GLIS3: variants seen among roughly 807,000 people sequenced by gnomAD.
GLIS3 encodes GLIS family zinc finger 3.
In GLIS3, 53 loss-of-function variants were observed where a neutral mutation model predicts 78.6. The observed-to-expected ratio is 0.67, with a 90% CI of 0.54 to 0.85. GLIS3 has a LOEUF of 0.85. Among genes scored for constraint, GLIS3 ranks in the 40% least tolerant of loss-of-function variants. The pLI, the probability that GLIS3 is intolerant of heterozygous loss-of-function variation, is 0.00. For synonymous variants in GLIS3, 684 were observed against 509.9 expected (o/e 1.34, Z -4.60); for missense variants, 1,703 against 1,231.1 (o/e 1.38, Z -5.74).
intron 4 of GLIS3, among the ~76,000 whole-genome samples, chr9:3,993,281 G>A (rs562116992): frequency 3.9e-5 from 6 of 152,226 alleles, no homozygotes; most frequent in Non-Finnish European, 7.4e-5. Flanking sequence ...TGACAGTTCC[G>A]AGGGCAGTCA....
rs757442845 is a variant in GLIS3 at position 3,879,497 on chromosome 9, C to T, written c.2227G>A (p.Val743Ile). The change falls in exon 8 of 11, where the codon GTA (valine) becomes ATA (isoleucine). Residue 743 changes from valine to isoleucine, a missense_variant. Coordinates refer to ENST00000381971, the MANE Select transcript of GLIS3 (RefSeq NM_001042413.2). ...GAGGGGTTGTGAGGGCTCCCCTGTA[C>T]ATTATGTCCTGGAGAAGGGTGACTG... ...PVSHPSPGHN[V>I]QGSPHNPSSQ... The T allele has an allele frequency of 1.9e-6, 3 of 1,614,104 alleles. No individual in the cohort carries two copies. The highest frequency in any genetic ancestry group is 1.1e-5 in the South Asian group (1 of 91,066).
chr9:4,333,209 A>G (rs1247011345), intron 2 of GLIS3, among the ~76,000 whole-genome samples: 1 of 118,642 alleles, frequency 8.4e-6, no homozygotes, highest in African/African-American at 2.9e-5. Context: ...CAGTGAGACA[A>G]GAATGAAAAG....
the GLIS3 span, among the ~76,000 whole-genome samples, chr9:4,402,518 T>C: frequency 4.6e-5 from 7 of 152,170 alleles, no homozygotes; most frequent in Non-Finnish European, 1.0e-4. Flanking sequence ...TGGAGATATG[T>C]GACCTAGCAG....
intron 2 of GLIS3, among the ~76,000 whole-genome samples, chr9:4,223,962 T>C (rs1290571446): frequency 2.0e-5 from 3 of 150,792 alleles, no homozygotes; most frequent in Admixed American, 6.6e-5. Context: ...GAAAATGCCA[T>C]CAAATTCAAC....
the GLIS3 span, among the ~76,000 whole-genome samples, chr9:4,445,297 G>A: frequency 6.6e-6 from 1 of 152,110 alleles, no homozygotes; most frequent in East Asian, 1.9e-4. Context: ...ATTATATAAA[G>A]TCATAGAGTG....
chr9:4,195,678 TG>T (rs1404135995), intron 2 of GLIS3, among the ~76,000 whole-genome samples: 1 of 152,278 alleles, frequency 6.6e-6, no homozygotes. Context: ...GGCATGGCAC[TG>T]GCGGGCAGCT....
chr9:3,993,228 T>C (rs372156589), intron 4 of GLIS3, among the ~76,000 whole-genome samples: 56 of 152,190 alleles, frequency 3.7e-4, no homozygotes, highest in African/African-American at 1.3e-3. Context: ...CATTGCCTCA[T>C]ACTGTTTGTC....
chr9:4,255,276 G>A (rs1824815800), intron 2 of GLIS3, among the ~76,000 whole-genome samples: 1 of 152,168 alleles, frequency 6.6e-6, no homozygotes, highest in African/African-American at 2.4e-5. Context: ...ATGCAAAATG[G>A]TACAGCTACT....
intron 4 of GLIS3, among the ~76,000 whole-genome samples, chr9:4,026,774 CAG>C (rs1491202280): frequency 1.3e-5 from 2 of 152,122 alleles, no homozygotes; most frequent in African/African-American, 4.8e-5. Flanking sequence ...TTCAAATTAT[CAG>C]GGGAAAAAGA....
intron 9 of GLIS3, among the ~76,000 whole-genome samples, chr9:3,841,399 C>T (rs577237608): frequency 1.2e-4 from 18 of 152,298 alleles, no homozygotes; most frequent in African/African-American, 4.1e-4. Context: ...CATGTACTAG[C>T]TGTGTGGCTT....
At chr9:4,442,266 C>A in the GLIS3 span, among the ~76,000 whole-genome samples, 1 of 152,100 alleles carries the variant, frequency 6.6e-6, no homozygotes, top group Non-Finnish European at 1.5e-5. Flanking sequence ...CTGTTATGAT[C>A]CTCTGTATTT....
At chr9:4,162,593 C>G (rs918680107) in intron 2 of GLIS3, among the ~76,000 whole-genome samples, 1 of 152,158 alleles carries the variant, frequency 6.6e-6, no homozygotes, top group Non-Finnish European at 1.5e-5. Context: ...GGTGCGGTGG[C>G]TCACGCCTGT....
chr9:4,485,027 G>T, the GLIS3 span, among the ~76,000 whole-genome samples: 3 of 141,306 alleles, frequency 2.1e-5, no homozygotes, highest in Non-Finnish European at 4.6e-5. Flanking sequence ...GGTGGGGGTG[G>T]TGGGGGGACA....
chr9:4,247,067 T>C (rs560961621), intron 2 of GLIS3, among the ~76,000 whole-genome samples: 27 of 152,346 alleles, frequency 1.8e-4, no homozygotes, highest in Middle Eastern at 3.4e-3. Flanking sequence ...TTAAAATCCA[T>C]GGATGGCTTT....
At chr9:4,262,553 A>G (rs887667081) in intron 2 of GLIS3, among the ~76,000 whole-genome samples, 4 of 152,188 alleles carry the variant, frequency 2.6e-5, no homozygotes, top group Non-Finnish European at 5.9e-5. Flanking sequence ...TTAAATAGGT[A>G]GATCCAAACA....
intron 7 of GLIS3, among the ~76,000 whole-genome samples, chr9:3,888,712 T>C (rs1822237142): frequency 1.3e-5 from 2 of 152,168 alleles, no homozygotes. Context: ...ACCACAATCT[T>C]CCATTTGGCC....
the GLIS3 span, among the ~76,000 whole-genome samples, chr9:4,383,402 T>A: frequency 1.3e-5 from 2 of 152,232 alleles, no homozygotes; most frequent in Non-Finnish European, 2.9e-5. Context: ...AAATTATTCT[T>A]GATTCATGGA....
chr9:4,467,929 T>G, the GLIS3 span, among the ~76,000 whole-genome samples: 1 of 152,142 alleles, frequency 6.6e-6, no homozygotes, highest in African/African-American at 2.4e-5. Flanking sequence ...ATAAACAGCA[T>G]AGAGAAGACC....
At chr9:4,053,705 T>TAAAAAAGAAAAAAA (rs1825910981) in intron 4 of GLIS3, among the ~76,000 whole-genome samples, 1 of 91,128 alleles carries the variant, frequency 1.1e-5, no homozygotes, top group South Asian at 4.8e-4. Context: ...TCTTTCTTCA[T>TAAAAAAGAAAAAAA]AAAAAAAAAA....
Sources: allele counts gnomAD v4.1 joint callset (sites outside exome capture counted in the v4.1 genomes callset), GRCh38; gene constraint gnomAD v4.1.1; transcripts MANE v1.5; gene names NCBI Gene and HGNC (gene_info 2026-07-23, HGNC 2026-07-21).